CIITA: variants seen among roughly 807,000 people sequenced by gnomAD.
CIITA encodes the protein class II major histocompatibility complex transactivator.
In CIITA, 72 loss-of-function variants were observed where a neutral mutation model predicts 115.1. The ratio of observed to expected loss-of-function variants is 0.63; its 90% CI spans 0.52 to 0.76. CIITA has a LOEUF of 0.76. CIITA is among the 30% of genes least tolerant of loss of function. CIITA has a pLI of 0.00. For synonymous variants in CIITA, 763 were observed against 635.6 expected (o/e 1.20, Z -3.02); for missense variants, 1,617 against 1,463.8 (o/e 1.10, Z -1.71).
Position 10,915,595 on chromosome 16 carries a change from G to A in CIITA, c.2914G>A (p.Ala972Thr). 1 of 1,614,118 alleles carries A rather than the reference G, an allele frequency of 6.2e-7. No individual in the cohort carries two copies. The highest frequency in any genetic ancestry group is 8.5e-7 in the Non-Finnish European group (1 of 1,180,002). The change falls in exon 14 of 20, where the codon GCT becomes ACT. Residue 972 changes from alanine to threonine, a missense_variant. Transcript: ENST00000324288. ...GCTGGGCCCTGTCTCAGGCCCCCAG[G>A]CTTTCCCCAAACTGGTGCGGATCCT... ...FALGPVSGPQAFPKLVRILTA... is the reference protein window; with the variant it reads ...FALGPVSGPQTFPKLVRILTA...
intron 15 of CIITA, among the ~76,000 whole-genome samples, chr16:10,917,896 T>C (rs1310707091): frequency 1.3e-5 from 2 of 152,228 alleles, no homozygotes; most frequent in Admixed American, 1.3e-4. Flanking sequence ...ATTTCCTTAA[T>C]TGTAGGACTG....
chr16:10,892,719 G>C (rs2037719293), intron 1 of CIITA, among the ~76,000 whole-genome samples: 1 of 152,182 alleles, frequency 6.6e-6, no homozygotes, highest in African/African-American at 2.4e-5. Flanking sequence ...GATCACCTGA[G>C]GTCAGGAGTT....
chr16:10,907,375 G>T lies in CIITA; in HGVS notation c.1883G>T (p.Gly628Val). The stretch of plus-strand genomic sequence containing the variant: ...CTCTCAGAGGCCCTGCTGGAGCTTG[G>T]GGAGGACGCCAAGCTGCCCTCCACG... ...CQLSEALLEL[G>V]EDAKLPSTLT... The change falls in exon 11 of 20, where the codon GGG (glycine) becomes GTG (valine). Residue 628 changes from glycine (G) to valine (V), a missense_variant. Transcript: ENST00000324288. This position sits in a 1 kb window ranked among gnomAD's most constrained non-coding sequence, Gnocchi z 5.0. 1 of 1,613,402 alleles carries T rather than the reference G, an allele frequency of 6.2e-7. No homozygotes were observed. Among genetic ancestry groups the T allele is most frequent in the Non-Finnish European group, 8.5e-7 (1 of 1,179,960 alleles).
At chr16:10,880,296 G>A (rs562141262) in intron 1 of CIITA, among the ~76,000 whole-genome samples, 25 of 152,248 alleles carry the variant, frequency 1.6e-4, no homozygotes, top group Admixed American at 4.6e-4. Flanking sequence ...GGCCCGGTTG[G>A]CTAGGCCTGG....
Position 10,901,565 on chromosome 16 carries a change from A to C in CIITA, c.481+7A>C, listed in dbSNP as rs780081931. 1.9e-6 allele frequency: 3 copies of C among 1,613,780 alleles called. No individual in the cohort carries two copies. In the African/African-American group the frequency reaches 4.0e-5, roughly 22 times the overall value. On this transcript the variant is annotated splice_region_variant and intron_variant, in intron 6 of 19. Transcript: ENST00000324288. The surrounding 1 kb of genome is among the most constrained non-coding windows in gnomAD (Gnocchi z 6.8). ...CTGAAGCACTGGAAGCCAGGTGTGCAGGGCAGGTGGGCTGGGGTTGGGAAG... is the reference window on the plus strand; with the variant it reads ...CTGAAGCACTGGAAGCCAGGTGTGCCGGGCAGGTGGGCTGGGGTTGGGAAG...
chr16:10,896,444 AAGAGCTAC>A (rs1459722970), intron 3 of CIITA, among the ~76,000 whole-genome samples: 1 of 152,228 alleles, frequency 6.6e-6, no homozygotes, highest in Non-Finnish European at 1.5e-5. Flanking sequence ...TAGCCTTAAG[AAGAGCTAC>A]AGCTTTCAGA....
At position 10,941,481 on chromosome 16, in the gene CIITA, G is replaced by A. The variant is rs544167948; in HGVS notation, n.607G>A. On this transcript the variant is annotated non_coding_transcript_exon_variant, in exon 2 of 2. Coordinates refer to the CIITA transcript ENST00000573379. The surrounding 1 kb of genome is among the most constrained non-coding windows in gnomAD (Gnocchi z 6.4). ...GAGGTGAACGGAGGAGAAGCCTGAG[G>A]GAGGGGTGTGTATCCGGCCTGGGAA... 27 of 1,277,982 alleles carry A rather than the reference G, an allele frequency of 2.1e-5. No individual in the cohort carries two copies. In the African/African-American group the frequency reaches 4.1e-4, roughly 19 times the overall value. 79.2% of individuals were successfully genotyped at this position (1,277,982 alleles called of 1,614,324 possible). A position where few individuals can be genotyped will look rare whatever the true frequency, so the allele number is the denominator to read the frequency against.
chr16:10,872,115 T>C (rs1045111763), intron 1 of CIITA, among the ~76,000 whole-genome samples: 11 of 151,888 alleles, frequency 7.2e-5, no homozygotes, highest in South Asian at 4.2e-4. Flanking sequence ...TCACCCTGTC[T>C]TTTTTTTAAT....
At position 10,926,561 on chromosome 16, in the gene CIITA, C is replaced by T. The variant is rs192731207; in HGVS notation, c.*2706C>T. On this transcript the variant is annotated 3_prime_UTR_variant, in exon 20 of 20. Coordinates refer to ENST00000324288, the MANE Select transcript of CIITA (RefSeq NM_000246.4). The stretch of plus-strand genomic sequence containing the variant: ...ATTATTTTATTTAATTTTTTTGAGA[C>T]AGAGTTTTCACTCTTATTGCCCACG... 2.0e-5 allele frequency: 3 copies of T among 152,316 alleles called. No individual in the cohort carries two copies. Among genetic ancestry groups the T allele is most frequent in the African/African-American group, 4.8e-5 (2 of 41,566 alleles). 9.4% of individuals were successfully genotyped at this position (152,316 alleles called of 1,614,324 possible).
chr16:10,923,052 C>T lies in CIITA; in HGVS notation c.3318-176C>T, dbSNP rs199476081. The T allele has an allele frequency of 8.5e-4, 542 of 639,936 alleles. 1 individual carries two copies. The highest frequency in any genetic ancestry group is 3.7e-3 in the Middle Eastern group (9 of 2,450). The allele number at this position is 639,936 out of a possible 1,614,324, so 39.6% of individuals were successfully genotyped here. ...CAGCTGCAGAACCATAAAGGAATCT[C>T]GGGCCTCCTAGGCTTCTCCTTTTCC... is the stretch of plus-strand genomic sequence containing the variant. On this transcript the variant is annotated intron_variant, in intron 18 of 19. Transcript: ENST00000324288. The surrounding 1 kb of genome is among the most constrained non-coding windows in gnomAD (Gnocchi z 5.2).
chr16:10,886,797 G>A (rs149443072), intron 1 of CIITA, among the ~76,000 whole-genome samples: 1 of 152,224 alleles, frequency 6.6e-6, no homozygotes, highest in East Asian at 1.9e-4. Context: ...ACTCAGAGAG[G>A]TTGAGTAACA....
chr16:10,874,398 G>A (rs1487036944), upstream of CIITA, among the ~76,000 whole-genome samples: 2 of 152,130 alleles, frequency 1.3e-5, no homozygotes, highest in East Asian at 3.8e-4. Flanking sequence ...AGTGCTAGAG[G>A]TTGTCATTCT....
At position 10,903,081 on chromosome 16, in the gene CIITA, G is replaced by A. The variant is rs148805899; in HGVS notation, c.772+280G>A. On this transcript the variant is annotated intron_variant, in intron 8 of 19. Transcript: ENST00000324288. ...TAGTTTTTCCTTATTTTTTTTAAATGTTTTTGTTTTTAAATTGCAACATCA... is the reference window on the plus strand; with the variant it reads ...TAGTTTTTCCTTATTTTTTTTAAATATTTTTGTTTTTAAATTGCAACATCA... Among the ~76,000 whole-genome samples, 181 of 152,258 alleles carry A rather than the reference G, an allele frequency of 1.2e-3. 3 individuals carry two copies. Among genetic ancestry groups the A allele is most frequent in the Non-Finnish European group, 1.8e-3 (123 of 68,016 alleles).
In CIITA at chr16:10,941,633, C is replaced by A; in HGVS notation, n.759C>A. On this transcript the variant is annotated non_coding_transcript_exon_variant, in exon 2 of 2. Transcript: ENST00000573379. This position sits in a 1 kb window ranked among gnomAD's most constrained non-coding sequence, Gnocchi z 6.4. ...ATCCCCGTCCAGATGGTGCCCCCAA[C>A]CAGCTGCGGCGGCATGATCTGGGCG... The A allele has an allele frequency of 6.6e-7, 1 of 1,525,172 alleles. No individual in the cohort carries two copies. Among genetic ancestry groups the A allele is most frequent in the Non-Finnish European group, 8.8e-7 (1 of 1,136,836 alleles). 94.5% of individuals were successfully genotyped at this position (1,525,172 alleles called of 1,614,324 possible).
At chr16:10,915,924 G>T (rs1027518338) in intron 14 of CIITA, among the ~76,000 whole-genome samples, 1 of 152,218 alleles carries the variant, frequency 6.6e-6, no homozygotes, top group Non-Finnish European at 1.5e-5. Context: ...GCTGGCACAT[G>T]AGTGATGAGA....
chr16:10,893,389 A>T (rs1224516134), intron 1 of CIITA, among the ~76,000 whole-genome samples: 1 of 152,206 alleles, frequency 6.6e-6, no homozygotes, highest in Non-Finnish European at 1.5e-5. Context: ...TTCCCCAGCA[A>T]GAGCTACATG....
In CIITA at chr16:10,901,497, A is replaced by C. The variant is rs930744370; in HGVS notation, c.437-17A>C. 3.7e-6 allele frequency: 6 copies of C among 1,613,860 alleles called. No homozygotes were observed. The African/African-American group carries it at 8.0e-5, about 22-fold the overall frequency. ...CATCCTCTCCCTGGGGCAGCTGATCACATGTTTTCTCTGCAGCCTTCCCAG... is the reference window on the plus strand; with the variant it reads ...CATCCTCTCCCTGGGGCAGCTGATCCCATGTTTTCTCTGCAGCCTTCCCAG... On this transcript the variant is annotated splice_polypyrimidine_tract_variant and intron_variant, in intron 5 of 19. Coordinates refer to ENST00000324288, the MANE Select transcript of CIITA (RefSeq NM_000246.4). This position sits in a 1 kb window ranked among gnomAD's most constrained non-coding sequence, Gnocchi z 6.8.
intron 13 of CIITA, 98 bp from the exon 14 acceptor site, chr16:10,915,472 A>G: frequency 2.1e-6 from 2 of 931,106 alleles, no homozygotes; most frequent in East Asian, 4.8e-5. Flanking sequence ...GGCCTCAGAC[A>G]GGACCTGACT....
intron 15 of CIITA, 50 bp downstream of exon 15, chr16:10,916,509 G>C (rs201134444): frequency 4.6e-6 from 7 of 1,509,918 alleles, no homozygotes; most frequent in Non-Finnish European, 6.4e-6. Flanking sequence ...CCCAAAGTCC[G>C]GCTGACTTTT....
Sources: gnomAD v4.1 joint callset for allele counts (sites outside exome capture counted in the v4.1 genomes callset) on GRCh38, gnomAD v4.1.1 for gene constraint, Gnocchi (gnomAD v3.1) non-coding constraint, MANE v1.5 for transcripts, NCBI Gene and HGNC (gene_info 2026-07-23, HGNC 2026-07-21) for gene names.